Variants in MAML2 observed in about 807,000 individuals in gnomAD.
MAML2 encodes the protein mastermind like transcriptional coactivator 2, also known as mastermind-like protein 2.
A neutral mutation model predicts 96.1 loss-of-function variants in MAML2; 22 were observed. The ratio of observed to expected loss-of-function variants is 0.23; its 90% CI spans 0.16 to 0.33. The LOEUF (loss-of-function observed/expected upper bound fraction) is 0.33. Among genes scored for constraint, MAML2 ranks in the 10% least tolerant of loss-of-function variants. MAML2 has a pLI of 1.00. For missense variants in MAML2, 1,367 were observed against 1,392.4 expected (o/e 0.98, Z 0.29); for synonymous variants, 561 against 521.3 (o/e 1.08, Z -1.04).
intron 1 of MAML2, among the ~76,000 whole-genome samples, chr11:96,146,800 T>C (rs188803695): frequency 3.7e-4 from 57 of 152,320 alleles, no homozygotes; most frequent in African/African-American, 1.3e-3. Context: ...AGAGAAGTAG[T>C]TTGATGTTGA....
At chr11:96,248,354 C>A (rs759965416) in intron 1 of MAML2, among the ~76,000 whole-genome samples, 49 of 150,976 alleles carry the variant, frequency 3.2e-4, no homozygotes, top group Non-Finnish European at 6.0e-4. Flanking sequence ...TCAAGTGATC[C>A]ATCCACCTTG....
Position 96,062,674 on chromosome 11 carries a change from C to G in MAML2, c.2139+29218G>C, listed in dbSNP as rs1359174812. ...AGACAGGATATCCAGGAGGCAGCGCCCCTTCCCACCAGCAGCTCTCCTTAT... is the reference window on the plus strand; with the variant it reads ...AGACAGGATATCCAGGAGGCAGCGCGCCTTCCCACCAGCAGCTCTCCTTAT... On this transcript the variant is annotated intron_variant, in intron 2 of 4. Coordinates refer to ENST00000524717, the MANE Select transcript of MAML2 (RefSeq NM_032427.4). 4.6e-5 allele frequency among the ~76,000 whole-genome samples: 7 copies of G among 152,266 alleles called. No homozygotes were observed. The East Asian group carries it at 7.7e-4, about 17-fold the overall frequency.
At chr11:96,107,308 G>A (rs983989907) in intron 1 of MAML2, among the ~76,000 whole-genome samples, 4 of 152,032 alleles carry the variant, frequency 2.6e-5, no homozygotes, top group African/African-American at 4.8e-5. Context: ...AGGAGCTTTG[G>A]GGGTAGTTTA....
chr11:96,063,006 A>T (rs542407680), intron 2 of MAML2, among the ~76,000 whole-genome samples: 2 of 152,020 alleles, frequency 1.3e-5, no homozygotes, highest in South Asian at 4.2e-4. Flanking sequence ...CCCAAAACAA[A>T]CTCTTTAGTA....
intron 1 of MAML2, among the ~76,000 whole-genome samples, chr11:96,333,507 T>C (rs1023994234): frequency 6.6e-6 from 1 of 152,230 alleles, no homozygotes; most frequent in African/African-American, 2.4e-5. Flanking sequence ...CAATTAAGAA[T>C]CGTCATCAAT....
intron 1 of MAML2, among the ~76,000 whole-genome samples, chr11:96,107,878 C>G (rs187245216): frequency 6.6e-6 from 1 of 152,356 alleles, no homozygotes; most frequent in East Asian, 1.9e-4. Context: ...CTTTGAGCCT[C>G]TTTCCACCAA....
intron 1 of MAML2, among the ~76,000 whole-genome samples, chr11:96,169,887 T>C (rs1226757726): frequency 1.3e-5 from 2 of 152,254 alleles, no homozygotes; most frequent in African/African-American, 4.8e-5. Context: ...TCTTTTGACC[T>C]CGTGATCTGC....
chr11:96,024,943 T>G (rs912581960), intron 2 of MAML2, among the ~76,000 whole-genome samples: 1 of 152,208 alleles, frequency 6.6e-6, no homozygotes, highest in Non-Finnish European at 1.5e-5. Flanking sequence ...GCTTATGGAC[T>G]GCTGGTGGGA....
chr11:96,183,397 C>CTCCCT (rs954858849), intron 1 of MAML2, among the ~76,000 whole-genome samples: 1 of 120,314 alleles, frequency 8.3e-6, no homozygotes, highest in African/African-American at 3.1e-5. Flanking sequence ...CGTTCCTCCC[C>CTCCCT]CCCCCCCCTT....
At chr11:96,016,748 G>T (rs931912613) in intron 2 of MAML2, among the ~76,000 whole-genome samples, 4 of 152,046 alleles carry the variant, frequency 2.6e-5, no homozygotes, top group African/African-American at 4.8e-5. Flanking sequence ...CATTAAAAAA[G>T]GGTCCATATA....
chr11:96,074,919 G>C (rs888655824), intron 2 of MAML2, among the ~76,000 whole-genome samples: 5 of 152,252 alleles, frequency 3.3e-5, no homozygotes, highest in African/African-American at 1.2e-4. Flanking sequence ...GCAGGGAGTG[G>C]TGTTGCATAT....
At chr11:96,117,600 C>T (rs1329573651) in intron 1 of MAML2, among the ~76,000 whole-genome samples, 1 of 152,096 alleles carries the variant, frequency 6.6e-6, no homozygotes, top group Non-Finnish European at 1.5e-5. Flanking sequence ...ATGCCCAGCA[C>T]AAAGCTCTTG....
chr11:96,339,097 T>C (rs1316361418), intron 1 of MAML2, among the ~76,000 whole-genome samples: 1 of 152,196 alleles, frequency 6.6e-6, no homozygotes, highest in Non-Finnish European at 1.5e-5. Flanking sequence ...AAGCAACTAC[T>C]AGAAATATAC....
chr11:95,985,434 ATAT>A (rs1432807375), intron 4 of MAML2, 94 bp downstream of exon 4: 1 of 680,636 alleles, frequency 1.5e-6, no homozygotes, highest in East Asian at 2.8e-5. Context: ...TCTAAGAAAG[ATAT>A]TATAATCATA....
At chr11:96,216,757 C>G (rs1010159836) in intron 1 of MAML2, among the ~76,000 whole-genome samples, 1 of 152,128 alleles carries the variant, frequency 6.6e-6, no homozygotes, top group East Asian at 1.9e-4. Flanking sequence ...TGATTAGAAG[C>G]CAACGTAATG....
intron 1 of MAML2, among the ~76,000 whole-genome samples, chr11:96,108,621 T>C (rs750254564): frequency 6.6e-6 from 1 of 152,188 alleles, no homozygotes; most frequent in Non-Finnish European, 1.5e-5. Flanking sequence ...TTAAAGCAGT[T>C]TCTGACACAT....
chr11:96,120,394 G>A (rs1040518766), intron 1 of MAML2, among the ~76,000 whole-genome samples: 1 of 152,168 alleles, frequency 6.6e-6, no homozygotes, highest in Admixed American at 6.5e-5. Context: ...GGGAAGTTGA[G>A]ATGGAAACTG....
intron 2 of MAML2, among the ~76,000 whole-genome samples, chr11:96,034,432 TGA>T (rs371921984): frequency 0.019 from 2,543 of 135,496 alleles, 48 homozygotes; most frequent in East Asian, 0.096. Flanking sequence ...TGTGTGTGTG[TGA>T]GAGAGAGAGA....
intron 1 of MAML2, among the ~76,000 whole-genome samples, chr11:96,103,809 G>A (rs1859975356): frequency 6.6e-6 from 1 of 152,116 alleles, no homozygotes; most frequent in African/African-American, 2.4e-5. Flanking sequence ...GCCCCACTGT[G>A]TTCTCTGGAT....
Sources: allele counts gnomAD v4.1 joint callset (sites outside exome capture counted in the v4.1 genomes callset), GRCh38; gene constraint gnomAD v4.1.1; transcripts MANE v1.5; gene names NCBI Gene and HGNC (gene_info 2026-07-23, HGNC 2026-07-21).